The following GPC6 variants were observed in gnomAD, a reference collection of about 807,000 sequenced individuals.
The protein encoded by GPC6 is glypican 6.
Under a neutral mutation model 55.2 loss-of-function variants are expected in GPC6, and 14 were observed. The observed-to-expected ratio is 0.25, with a 90% CI of 0.17 to 0.40. GPC6 has a LOEUF of 0.40. Among genes scored for constraint, GPC6 ranks in the 10% least tolerant of loss-of-function variants. The pLI is 1.00. For missense variants in GPC6, 641 were observed against 708.5 expected (o/e 0.90, Z 1.08); for synonymous variants, 278 against 259.6 (o/e 1.07, Z -0.68).
At chr13:94,243,733 CT>C (rs1321310444) in intron 4 of GPC6, among the ~76,000 whole-genome samples, 2 of 152,120 alleles carry the variant, frequency 1.3e-5, no homozygotes, top group Non-Finnish European at 2.9e-5. Context: ...GACCTCATTG[CT>C]TTTTATGTCT....
chr13:94,151,105 C>T (rs1370999672), intron 4 of GPC6, among the ~76,000 whole-genome samples: 3 of 151,928 alleles, frequency 2.0e-5, no homozygotes, highest in African/African-American at 7.3e-5. Context: ...ATAAGTCAGA[C>T]ACCAAGATAA....
chr13:93,489,796 G>T (rs1416747191), intron 1 of GPC6, among the ~76,000 whole-genome samples: 1 of 151,486 alleles, frequency 6.6e-6, no homozygotes, highest in Non-Finnish European at 1.5e-5. Flanking sequence ...AAGAATGCTT[G>T]TGATTTTTGC....
chr13:93,497,216 G>T (rs1880337603), intron 1 of GPC6, among the ~76,000 whole-genome samples: 1 of 152,176 alleles, frequency 6.6e-6, no homozygotes, highest in African/African-American at 2.4e-5. Context: ...TCAGATAGTA[G>T]CCTAGGGCAT....
intron 4 of GPC6, among the ~76,000 whole-genome samples, chr13:94,053,567 CT>C (rs1238801999): frequency 1.3e-5 from 2 of 152,116 alleles, no homozygotes; most frequent in African/African-American, 4.8e-5. Flanking sequence ...ATCTGACCCC[CT>C]GTCCGATTAA....
At chr13:94,177,468 C>T (rs1888819211) in intron 4 of GPC6, among the ~76,000 whole-genome samples, 1 of 151,758 alleles carries the variant, frequency 6.6e-6, no homozygotes, top group Admixed American at 6.6e-5. Context: ...GACAAGTTTT[C>T]AACAGTCTTG....
At chr13:93,748,723 T>G (rs763162975) in intron 2 of GPC6, among the ~76,000 whole-genome samples, 1 of 152,154 alleles carries the variant, frequency 6.6e-6, no homozygotes, top group Non-Finnish European at 1.5e-5. Context: ...AATACAATAC[T>G]TTATTAATTG....
chr13:94,262,375 G>A (rs1240567292), intron 4 of GPC6, among the ~76,000 whole-genome samples: 1 of 152,070 alleles, frequency 6.6e-6, no homozygotes, highest in Non-Finnish European at 1.5e-5. Flanking sequence ...AGTCAAGAGT[G>A]AATCACTGGT....
chr13:93,344,036 C>G (rs1880351024), intron 1 of GPC6, among the ~76,000 whole-genome samples: 1 of 152,126 alleles, frequency 6.6e-6, no homozygotes, highest in Non-Finnish European at 1.5e-5. Flanking sequence ...GATTTGATGA[C>G]TTTAACTGAA....
chr13:93,338,236 G>A (rs1880112963), intron 1 of GPC6, among the ~76,000 whole-genome samples: 1 of 152,154 alleles, frequency 6.6e-6, no homozygotes, highest in South Asian at 2.1e-4. Context: ...AGCAGCTGAT[G>A]ACTGAGTGGA....
At chr13:93,931,495 C>T (rs12869245) in intron 3 of GPC6, among the ~76,000 whole-genome samples, 16,957 of 150,804 alleles carry the variant, frequency 0.11, 1,279 homozygotes, top group Non-Finnish European at 0.16. Context: ...TAGTGGCTCA[C>T]GCTCACGCAT....
intron 2 of GPC6, among the ~76,000 whole-genome samples, chr13:93,698,426 C>G (rs1013428078): frequency 6.9e-6 from 1 of 144,484 alleles, no homozygotes; most frequent in Non-Finnish European, 1.5e-5. Flanking sequence ...ATGTTATCAG[C>G]ATGTGTTTAA....
intron 1 of GPC6, among the ~76,000 whole-genome samples, chr13:93,330,860 C>G (rs886896296): frequency 6.6e-6 from 1 of 152,088 alleles, no homozygotes. Flanking sequence ...GATTGACATG[C>G]AAATAAAATT....
At chr13:94,221,195 A>G (rs1890373282) in intron 4 of GPC6, among the ~76,000 whole-genome samples, 1 of 152,128 alleles carries the variant, frequency 6.6e-6, no homozygotes, top group South Asian at 2.1e-4. Flanking sequence ...ATATCCATAA[A>G]CAGCTAAATG....
chr13:93,575,690 A>G (rs1163977535), intron 2 of GPC6, among the ~76,000 whole-genome samples: 1 of 152,204 alleles, frequency 6.6e-6, no homozygotes, highest in Admixed American at 6.5e-5. Flanking sequence ...CTTCTAGTCC[A>G]AGTACATCTT....
intron 3 of GPC6, among the ~76,000 whole-genome samples, chr13:93,854,897 C>A (rs201662282): frequency 1.2e-5 from 1 of 81,058 alleles, no homozygotes; most frequent in East Asian, 6.0e-4. Flanking sequence ...AGGTCCACAG[C>A]AAAATTGGAA....
intron 2 of GPC6, among the ~76,000 whole-genome samples, chr13:93,789,620 T>C (rs1245595480): frequency 9.9e-6 from 1 of 100,734 alleles, no homozygotes; most frequent in African/African-American, 3.8e-5. Flanking sequence ...TATATATATA[T>C]ATATATATAT....
intron 4 of GPC6, among the ~76,000 whole-genome samples, chr13:94,178,100 C>G (rs968093875): frequency 5.4e-5 from 8 of 147,318 alleles, no homozygotes; most frequent in Non-Finnish European, 1.0e-4. Flanking sequence ...CTCACTGCAA[C>G]CTCCGCCTCC....
chr13:94,305,063 A>G (rs1383562164), intron 5 of GPC6, among the ~76,000 whole-genome samples: 1 of 152,248 alleles, frequency 6.6e-6, no homozygotes, highest in Non-Finnish European at 1.5e-5. Context: ...GCCAAATTCA[A>G]GTATGTAAAA....
Position 93,979,281 on chromosome 13 carries a change from T to TTGTGTGTGTGTGTGTG in GPC6, c.712-48426_712-48411dup, listed in dbSNP as rs72400372. 1.1e-4 allele frequency among the ~76,000 whole-genome samples: 15 copies of TTGTGTGTGTGTGTGTG among 140,246 alleles called. 1 individual carries two copies. The highest frequency in any genetic ancestry group is 9.3e-4 in the South Asian group (4 of 4,316). 92.0% of individuals were successfully genotyped at this position (140,246 alleles called of 152,430 possible). On this transcript the variant is annotated intron_variant, in intron 3 of 8. Transcript: ENST00000377047. ...ATTGGACAGCACAAAGACACTTCTTTTGTGTGTGTGTGTGTGTGTGTGTGT... is the reference window on the plus strand; with the variant it reads ...ATTGGACAGCACAAAGACACTTCTTTTGTGTGTGTGTGTGTGTGTGTGTGTGTGTGTGTGTGTGTGT...
Sources: gnomAD v4.1 joint callset for allele counts (sites outside exome capture counted in the v4.1 genomes callset) on GRCh38, gnomAD v4.1.1 for gene constraint, MANE v1.5 for transcripts, NCBI Gene and HGNC (gene_info 2026-07-23, HGNC 2026-07-21) for gene names.